The following KAZN variants were observed in gnomAD, a reference collection of about 807,000 sequenced individuals.
The protein encoded by KAZN is kazrin, periplakin interacting protein, also known as kazrin.
A neutral mutation model predicts 87.4 loss-of-function variants in KAZN; 40 were observed. The ratio of observed to expected loss-of-function variants is 0.46; its 90% CI spans 0.36 to 0.60. The LOEUF (loss-of-function observed/expected upper bound fraction) is 0.60, where lower values mean the gene tolerates loss of function less well. Among genes scored for constraint, KAZN ranks in the 20% least tolerant of loss-of-function variants. KAZN has a pLI of 0.00. For synonymous variants in KAZN, 466 were observed against 458.3 expected, an observed-to-expected ratio of 1.02 and a Z score of -0.22; for missense variants, 898 against 1,073.9, an observed-to-expected ratio of 0.84 and a Z score of 2.29.
chr1:14,174,606 G>A (rs757155619), intron 1 of KAZN, among the ~76,000 whole-genome samples: 16 of 152,140 alleles, frequency 1.1e-4, no homozygotes, highest in Non-Finnish European at 1.8e-4. Context: ...GCAGGGCTGA[G>A]CCTGCAAAGA....
In KAZN at chr1:14,132,552, GA is replaced by G. The variant is rs773345302; in HGVS notation, c.92-47881del. On this transcript the variant is annotated intron_variant, in intron 1 of 16. Coordinates refer to the KAZN transcript ENST00000636203. ...AAGCTGCTCAAACTACATGAAATGAGAATGGAGAAAATGTCTCCGAAGAACA... is the reference window on the plus strand; with the variant it reads ...AAGCTGCTCAAACTACATGAAATGAGATGGAGAAAATGTCTCCGAAGAACA... Among the ~76,000 whole-genome samples, 10 of 152,288 alleles carry G rather than the reference GA, an allele frequency of 6.6e-5. No individual in the cohort carries two copies. The East Asian group carries it at 1.9e-3, about 30-fold the overall frequency.
chr1:14,722,372 C>T (rs1174769633), intron 1 of KAZN, among the ~76,000 whole-genome samples: 1 of 152,132 alleles, frequency 6.6e-6, no homozygotes, highest in East Asian at 1.9e-4. Flanking sequence ...ACAGCATTCT[C>T]AGGTCATTAA....
chr1:14,797,296 G>A (rs1263066290), intron 1 of KAZN, among the ~76,000 whole-genome samples: 2 of 151,936 alleles, frequency 1.3e-5, no homozygotes, highest in African/African-American at 4.8e-5. Context: ...CCTGACCTCA[G>A]GTGATCCGCC....
chr1:14,879,291 A>G (rs749705173), intron 1 of KAZN, among the ~76,000 whole-genome samples: 8 of 152,258 alleles, frequency 5.3e-5, no homozygotes, highest in Non-Finnish European at 1.2e-4. Context: ...TCTAGCATTA[A>G]ATAAATTAAT....
At chr1:14,885,035 G>A (rs1047437851) in intron 1 of KAZN, among the ~76,000 whole-genome samples, 3 of 152,156 alleles carry the variant, frequency 2.0e-5, no homozygotes, top group Non-Finnish European at 2.9e-5. Context: ...TATTGTTCAC[G>A]GGAAAATGCC....
intron 2 of KAZN, among the ~76,000 whole-genome samples, chr1:14,370,777 C>T (rs1012886936): frequency 2.0e-5 from 3 of 152,178 alleles, no homozygotes; most frequent in East Asian, 3.9e-4. Context: ...CTGGACCTCC[C>T]GGGCTTAGGT....
At chr1:13,972,716 G>T (rs1371223767) in intron 1 of KAZN, among the ~76,000 whole-genome samples, 1 of 152,186 alleles carries the variant, frequency 6.6e-6, no homozygotes, top group Non-Finnish European at 1.5e-5. Flanking sequence ...AGGCAGACTG[G>T]CTGTATTTAA....
At chr1:14,792,987 A>AAAC (rs1479108060) in intron 1 of KAZN, among the ~76,000 whole-genome samples, 2 of 151,916 alleles carry the variant, frequency 1.3e-5, no homozygotes, top group African/African-American at 4.8e-5. Flanking sequence ...AAAAAAAAAA[A>AAAC]AAAACATTCA....
At chr1:14,327,615 C>A (rs1323017867) in intron 2 of KAZN, among the ~76,000 whole-genome samples, 2 of 152,102 alleles carry the variant, frequency 1.3e-5, no homozygotes, top group African/African-American at 4.8e-5. Flanking sequence ...CTCCAAAGCC[C>A]CTTGAACACA....
intron 8 of KAZN, among the ~76,000 whole-genome samples, chr1:15,089,167 C>A (rs961519648): frequency 1.3e-5 from 2 of 152,194 alleles, no homozygotes; most frequent in African/African-American, 4.8e-5. Flanking sequence ...CTTCTTTGAA[C>A]CTTCCCCTCT....
intron 2 of KAZN, among the ~76,000 whole-genome samples, chr1:14,270,871 CACTT>C (rs550212037): frequency 8.5e-4 from 130 of 152,282 alleles, no homozygotes; most frequent in African/African-American, 3.0e-3. Context: ...CTTCCATCCT[CACTT>C]GAATAGTGCC....
chr1:14,110,600 T>A (rs1179590156), intron 1 of KAZN, among the ~76,000 whole-genome samples: 1 of 137,126 alleles, frequency 7.3e-6, no homozygotes, highest in Non-Finnish European at 1.6e-5. Flanking sequence ...TGACTTGGAA[T>A]GATACATTAT....
intron 1 of KAZN, among the ~76,000 whole-genome samples, chr1:14,006,242 T>A (rs1640033401): frequency 6.6e-6 from 1 of 152,236 alleles, no homozygotes; most frequent in South Asian, 2.1e-4. Context: ...AAGGAATATC[T>A]GAGGCTGCAT....
At chr1:14,537,030 G>A (rs1247729529) in intron 2 of KAZN, among the ~76,000 whole-genome samples, 1 of 152,172 alleles carries the variant, frequency 6.6e-6, no homozygotes, top group Non-Finnish European at 1.5e-5. Flanking sequence ...GACTTGTTCT[G>A]TGTCATAGTC....
intron 1 of KAZN, among the ~76,000 whole-genome samples, chr1:14,922,590 G>C (rs529138160): frequency 1.3e-5 from 2 of 151,994 alleles, no homozygotes; most frequent in Non-Finnish European, 2.9e-5. Context: ...TCAGGAGTTC[G>C]AGACCAGCCT....
At chr1:14,879,107 A>T (rs1239976058) in intron 1 of KAZN, among the ~76,000 whole-genome samples, 3 of 152,158 alleles carry the variant, frequency 2.0e-5, no homozygotes, top group Non-Finnish European at 4.4e-5. Flanking sequence ...TTGGGATTGC[A>T]TTGGGCATTT....
At chr1:14,777,032 G>A (rs1330059273) in intron 1 of KAZN, among the ~76,000 whole-genome samples, 2 of 151,782 alleles carry the variant, frequency 1.3e-5, no homozygotes, top group South Asian at 2.1e-4. Flanking sequence ...ACGGAGTCTC[G>A]CTCTGTCACC....
intron 2 of KAZN, among the ~76,000 whole-genome samples, chr1:14,994,498 G>A (rs1667682437): frequency 6.6e-6 from 1 of 152,258 alleles, no homozygotes; most frequent in Non-Finnish European, 1.5e-5. Context: ...AGGCTGAGAG[G>A]AACACAGTTG....
intron 1 of KAZN, among the ~76,000 whole-genome samples, chr1:14,056,141 C>G (rs1014566961): frequency 1.3e-5 from 2 of 152,222 alleles, no homozygotes; most frequent in Non-Finnish European, 2.9e-5. Flanking sequence ...TTGTGCCAGG[C>G]CTTTGCCCAA....
Sources: gnomAD v4.1 joint callset for allele counts (sites outside exome capture counted in the v4.1 genomes callset) on GRCh38, gnomAD v4.1.1 for gene constraint, MANE v1.5 for transcripts, NCBI Gene and HGNC (gene_info 2026-07-23, HGNC 2026-07-21) for gene names.